The following ATXN10 variants were observed in gnomAD, a reference collection of about 807,000 sequenced individuals.
ATXN10 encodes the protein ataxin 10.
A neutral mutation model predicts 52.9 loss-of-function variants in ATXN10; 28 were observed. That is an observed-to-expected ratio of 0.53 (90% CI 0.39 to 0.73). The LOEUF (loss-of-function observed/expected upper bound fraction) is 0.73, where lower values mean the gene tolerates loss of function less well. Among genes scored for constraint, ATXN10 ranks in the 30% least tolerant of loss-of-function variants. The probability of loss-of-function intolerance (pLI) is 0.00; values close to 1 mark genes in which losing one functional copy is unlikely to be tolerated. For missense variants in ATXN10, 565 were observed against 577.0 expected (o/e 0.98, Z 0.21); for synonymous variants, 226 against 221.5 (o/e 1.02, Z -0.18).
At chr22:45,809,094 G>A (rs1252345265) in intron 10 of ATXN10, among the ~76,000 whole-genome samples, 1 of 152,172 alleles carries the variant, frequency 6.6e-6, no homozygotes, top group African/African-American at 2.4e-5. Flanking sequence ...TGAATGGTCA[G>A]AAACGAAAAA....
rs145896038 is a variant in ATXN10, at chr22:45,719,140, G to A, written c.728+647G>A. Reference sequence around the variant, plus strand: ...ATTAAGGAGATTGAATAAATAATTTGCAGTACACTTCATTTCAATAGAATA... The same window carrying A: ...ATTAAGGAGATTGAATAAATAATTTACAGTACACTTCATTTCAATAGAATA... On this transcript the variant is annotated intron_variant, in intron 6 of 11. Transcript: ENST00000252934. 6.6e-5 allele frequency among the ~76,000 whole-genome samples: 10 copies of A among 151,668 alleles called. No homozygotes were observed. The East Asian group carries it at 1.7e-3, about 26-fold the overall frequency.
intron 9 of ATXN10, among the ~76,000 whole-genome samples, chr22:45,747,719 C>G (rs1378009242): frequency 1.3e-5 from 2 of 152,148 alleles, no homozygotes; most frequent in Non-Finnish European, 2.9e-5. Flanking sequence ...GTGTCTCAAC[C>G]TTTCTGAATC....
Position 45,816,089 on chromosome 22 carries a change from A to G in ATXN10, c.1237+9067A>G, listed in dbSNP as rs1193291502. Among the ~76,000 whole-genome samples, 1 of 151,840 alleles carries G rather than the reference A, an allele frequency of 6.6e-6. No homozygotes were observed. The highest frequency in any genetic ancestry group is 1.5e-5 in the Non-Finnish European group (1 of 67,974). ...ACATGGTGAAACTGTCTCTCCTAAA[A>G]ATACAAAAAAAAAATTCGCTAGGCG... On this transcript the variant is annotated intron_variant, in intron 10 of 11. Coordinates refer to ENST00000252934, the MANE Select transcript of ATXN10 (RefSeq NM_013236.4). This position sits in a 1 kb window ranked among gnomAD's most constrained non-coding sequence, Gnocchi z 5.8.
Position 45,696,011 on chromosome 22 carries a change from T to G in ATXN10, c.391+2933T>G, listed in dbSNP as rs143113416. Among the ~76,000 whole-genome samples, 37 of 152,352 alleles carry G rather than the reference T, an allele frequency of 2.4e-4. No homozygotes were observed. Among genetic ancestry groups the G allele is most frequent in the African/African-American group, 8.9e-4 (37 of 41,576 alleles). ...TGCTATTTGATTTTGAAGTATTCCT[T>G]TAGGAAATGGTAATTAAAAATTAAT... On this transcript the variant is annotated intron_variant, in intron 3 of 11. Transcript: ENST00000252934. This position sits in a 1 kb window ranked among gnomAD's most constrained non-coding sequence, Gnocchi z 4.7.
At chr22:45,792,519 T>A (rs1027850734) in intron 9 of ATXN10, 1 of 155,200 alleles carries the variant, frequency 6.4e-6, no homozygotes, top group Non-Finnish European at 1.4e-5. Context: ...CCCCAAGAAA[T>A]GTCCCCTTTT....
rs1922767041 is a variant in ATXN10 at position 45,677,908 on chromosome 22, C to T, written c.116+5729C>T. 6.6e-6 allele frequency: 1 copy of T among 152,080 alleles called. No individual in the cohort carries two copies. The highest frequency in any genetic ancestry group is 1.5e-5 in the Non-Finnish European group (1 of 68,012). The allele number at this position is 152,080 out of a possible 1,614,324, so 9.4% of individuals were successfully genotyped here. A position where few individuals can be genotyped will look rare whatever the true frequency, so the allele number is the denominator to read the frequency against. ...TACTATGGAAAATAATTTGGTGGGT[C>T]CTCAAAAAGCTAAACATGGAATATG... On this transcript the variant is annotated intron_variant, in intron 1 of 11. Coordinates refer to ENST00000252934, the MANE Select transcript of ATXN10 (RefSeq NM_013236.4). This position sits in a 1 kb window ranked among gnomAD's most constrained non-coding sequence, Gnocchi z 4.1.
intron 9 of ATXN10, among the ~76,000 whole-genome samples, chr22:45,742,032 A>G (rs1243412261): frequency 6.6e-6 from 1 of 152,160 alleles, no homozygotes; most frequent in African/African-American, 2.4e-5. Flanking sequence ...GGTGTCAGCT[A>G]CCTAAATCTC....
intron 9 of ATXN10, among the ~76,000 whole-genome samples, chr22:45,756,943 G>A (rs1569052070): frequency 6.6e-6 from 1 of 152,208 alleles, no homozygotes; most frequent in African/African-American, 2.4e-5. Context: ...GGGAGTTGGA[G>A]TTGATTTCTC....
chr22:45,809,753 C>A (rs1601660324), intron 10 of ATXN10, among the ~76,000 whole-genome samples: 1 of 152,252 alleles, frequency 6.6e-6, no homozygotes, highest in Middle Eastern at 3.4e-3. Flanking sequence ...TTGGTCAAAC[C>A]TTTTGCCCAT....
chr22:45,743,408 T>TA (rs1925612483), intron 9 of ATXN10, among the ~76,000 whole-genome samples: 1 of 152,212 alleles, frequency 6.6e-6, no homozygotes. Flanking sequence ...AGCTGGGTGT[T>TA]ACAGATATTT....
rs565789803 is a variant in ATXN10 at position 45,787,179 on chromosome 22, G to A, written c.1174-19780G>A. ...AATTAAGTATAAGTATTTAATATAT[G>A]TGCATTGAAAAACACAGAGAATTTT... On this transcript the variant is annotated intron_variant, in intron 9 of 11. Transcript: ENST00000252934. The surrounding 1 kb of genome is among the most constrained non-coding windows in gnomAD (Gnocchi z 4.2). 6.6e-6 allele frequency among the ~76,000 whole-genome samples: 1 copy of A among 152,272 alleles called. No individual in the cohort carries two copies. The highest frequency in any genetic ancestry group is 1.9e-4 in the East Asian group (1 of 5,188).
chr22:45,816,290 A>G lies in ATXN10; in HGVS notation c.1237+9268A>G, dbSNP rs145366043. Reference sequence around the variant, plus strand: ...TAAATAAATAAAAATTCACTGCCCTATTTTGATCTTAGATCATAATCAGGA... The same window carrying G: ...TAAATAAATAAAAATTCACTGCCCTGTTTTGATCTTAGATCATAATCAGGA... On this transcript the variant is annotated intron_variant, in intron 10 of 11. Transcript: ENST00000252934. This position sits in a 1 kb window ranked among gnomAD's most constrained non-coding sequence, Gnocchi z 5.8. Among the ~76,000 whole-genome samples the G allele has an allele frequency of 1.4e-3, 212 of 152,292 alleles. 1 individual carries two copies. The highest frequency in any genetic ancestry group is 6.8e-3 in the Middle Eastern group (2 of 294).
chr22:45,814,133 G>C (rs1928379587), intron 10 of ATXN10, among the ~76,000 whole-genome samples: 1 of 152,154 alleles, frequency 6.6e-6, no homozygotes, highest in Non-Finnish European at 1.5e-5. Flanking sequence ...AGATGACTTT[G>C]GTTATTATCT....
Position 45,696,163 on chromosome 22 carries a change from AT to A in ATXN10, c.391+3088del, listed in dbSNP as rs1039607280. ...GTGAAATGTTTTTACGATATTATAT[AT>A]TTAAAGATACTTCTGTAGCTCTATT... On this transcript the variant is annotated intron_variant, in intron 3 of 11. Coordinates refer to ENST00000252934, the MANE Select transcript of ATXN10 (RefSeq NM_013236.4). The surrounding 1 kb of genome is among the most constrained non-coding windows in gnomAD (Gnocchi z 4.7). Among the ~76,000 whole-genome samples, 68 of 152,200 alleles carry A rather than the reference AT, an allele frequency of 4.5e-4. No individual in the cohort carries two copies. The highest frequency in any genetic ancestry group is 1.5e-3 in the African/African-American group (64 of 41,454).
intron 9 of ATXN10, chr22:45,793,784 C>A: frequency 7.5e-7 from 1 of 1,326,904 alleles, no homozygotes; most frequent in Non-Finnish European, 9.7e-7. Context: ...GACAGGTAAG[C>A]CCCCAAATTG....
Position 45,762,006 on chromosome 22 carries a change from T to G in ATXN10, c.1173+21468T>G, listed in dbSNP as rs988090926. On this transcript the variant is annotated intron_variant, in intron 9 of 11. Coordinates refer to ENST00000252934, the MANE Select transcript of ATXN10 (RefSeq NM_013236.4). This position sits in a 1 kb window ranked among gnomAD's most constrained non-coding sequence, Gnocchi z 4.3. ...TATTCGCCTTTAAGAGCCTTCTGAC[T>G]CCCAGGTTTTCTGATTTTTAAAAAC... Among the ~76,000 whole-genome samples the G allele has an allele frequency of 6.6e-6, 1 of 152,234 alleles. No individual in the cohort carries two copies. The highest frequency in any genetic ancestry group is 2.4e-5 in the African/African-American group (1 of 41,472).
Position 45,702,704 on chromosome 22 carries a change from TC to T in ATXN10, c.506del (p.Pro169ArgfsTer11). ...PELFLSCLNH[P>X]DKKIVAYSSM... ...TGTTTGGAAGGTCTTGCTTAAATCA[TC>T]CGGACAAAAAAATTGTTGCCTACTC... On this transcript the variant is annotated frameshift_variant, in exon 5 of 12. Coordinates refer to ENST00000252934, the MANE Select transcript of ATXN10 (RefSeq NM_013236.4). LOFTEE classifies it high-confidence loss of function. The T allele has an allele frequency of 6.2e-7, 1 of 1,613,954 alleles. No homozygotes were observed. Among genetic ancestry groups the T allele is most frequent in the Non-Finnish European group, 8.5e-7 (1 of 1,179,914 alleles).
chr22:45,723,050 A>G (rs1260879320), intron 6 of ATXN10, among the ~76,000 whole-genome samples: 1 of 152,114 alleles, frequency 6.6e-6, no homozygotes, highest in Non-Finnish European at 1.5e-5. Flanking sequence ...ATGTAATCCA[A>G]TTTAAAAGGA....
At chr22:45,726,011 A>G (rs528038267) in intron 6 of ATXN10, among the ~76,000 whole-genome samples, 1 of 152,272 alleles carries the variant, frequency 6.6e-6, no homozygotes, top group South Asian at 2.1e-4. Context: ...CCACTTGATT[A>G]TGGTGAATTA....
Sources: gnomAD v4.1 joint callset for allele counts (sites outside exome capture counted in the v4.1 genomes callset) on GRCh38, gnomAD v4.1.1 for gene constraint, Gnocchi (gnomAD v3.1) non-coding constraint, MANE v1.5 for transcripts, NCBI Gene and HGNC (gene_info 2026-07-23, HGNC 2026-07-21) for gene names.